The following LTN1 variants were observed in gnomAD, a reference collection of about 807,000 sequenced individuals.
LTN1 encodes the protein listerin E3 ubiquitin protein ligase 1.
Under a neutral mutation model 201.2 loss-of-function variants are expected in LTN1, and 88 were observed. That is an observed-to-expected ratio of 0.44 (90% CI 0.37 to 0.52). LTN1 has a LOEUF of 0.52. Ranked by LOEUF, LTN1 falls within the 20% of genes least tolerant of loss-of-function variation. The probability of loss-of-function intolerance (pLI) is 0.00; values close to 1 mark genes in which losing one functional copy is unlikely to be tolerated. For synonymous variants in LTN1, 645 were observed against 713.5 expected, an observed-to-expected ratio of 0.90 and a Z score of 1.53; for missense variants, 1,752 against 2,038.7, an observed-to-expected ratio of 0.86 and a Z score of 2.71.
chr21:28,969,442 T>G lies in LTN1; in HGVS notation c.1311+24A>C, dbSNP rs780588292. The stretch of plus-strand genomic sequence containing the variant: ...CTACATAATCAGTATGCAAAGAGAC[T>G]GACGACTTTTACATTATAGATACCT... On this transcript the variant is annotated intron_variant, in intron 9 of 29. Coordinates refer to ENST00000361371, the MANE Select transcript of LTN1 (RefSeq NM_015565.3). 8.1e-6 allele frequency: 13 copies of G among 1,596,054 alleles called. No individual in the cohort carries two copies. In the South Asian group the frequency reaches 1.5e-4, roughly 18 times the overall value.
chr21:28,971,144 G>C (rs1014256343), intron 7 of LTN1, 127 bp downstream of exon 7: 2 of 730,216 alleles, frequency 2.7e-6, no homozygotes, highest in Admixed American at 3.3e-5. Flanking sequence ...TGCCATTTTA[G>C]TCACTTTAAG....
In LTN1 at chr21:28,986,798, A is replaced by T. The variant is rs776267322; in HGVS notation, c.179T>A (p.Leu60His). 1.9e-6 allele frequency: 3 copies of T among 1,613,998 alleles called. No homozygotes were observed. The African/African-American group carries it at 4.0e-5, about 22-fold the overall frequency. Reference sequence around the variant, plus strand: ...CACCATTCGGAAATCAGAATCTACAAGACTGTCAATTTCTTCAGCTCCTTG... The same window carrying T: ...CACCATTCGGAAATCAGAATCTACATGACTGTCAATTTCTTCAGCTCCTTG... ...AIQGAEEIDS[L>H]VDSDFRMVLR... Residue 60 changes from leucine (L) to histidine (H), a missense_variant, in exon 2 of 30, where the codon CTT becomes CAT. Leu to His is a moderately conservative substitution (Grantham distance 99). Transcript: ENST00000361371. This position sits in a 1 kb window ranked among gnomAD's most constrained non-coding sequence, Gnocchi z 4.1.
rs12626292 is a variant in LTN1 at position 28,956,424 on chromosome 21, A to G, written c.3079+338T>C. ...GTATCAATTTTTTTTTAATCAACAGAAAATTCTGAATCCTTGATAAAACAC... is the reference window on the plus strand; with the variant it reads ...GTATCAATTTTTTTTTAATCAACAGGAAATTCTGAATCCTTGATAAAACAC... On this transcript the variant is annotated intron_variant, in intron 16 of 29. Transcript: ENST00000361371. Among the ~76,000 whole-genome samples, 116 of 152,266 alleles carry G rather than the reference A, an allele frequency of 7.6e-4. 2 individuals are homozygous for G. The East Asian group carries it at 0.022, about 29-fold the overall frequency.
chr21:28,966,726 G>C lies in LTN1; in HGVS notation c.1765C>G (p.Pro589Ala). Residue 589 changes from proline (P) to alanine (A), a missense_variant, in exon 10 of 30, where the codon CCT becomes GCT. By Grantham distance (27) the Pro-to-Ala change is conservative (BLOSUM62 -1). This residue lies in a region of LTN1 where 1,211 missense variants were observed against 1,312.8 expected (regional missense o/e 0.92). Transcript: ENST00000361371. ...SGLLSPLRKKPLEDLVCKLAD... is the reference protein window; with the variant it reads ...SGLLSPLRKKALEDLVCKLAD... ...AGTTTACAGACTAAGTCTTCCAAAGGTTTTTTCCTTAGAGGAGACAAAAGG... is the reference window on the plus strand; with the variant it reads ...AGTTTACAGACTAAGTCTTCCAAAGCTTTTTTCCTTAGAGGAGACAAAAGG... The C allele has an allele frequency of 3.1e-6, 5 of 1,613,996 alleles. No homozygotes were observed. Among genetic ancestry groups the C allele is most frequent in the Non-Finnish European group, 4.2e-6 (5 of 1,179,962 alleles).
In LTN1 at chr21:28,964,646, A is replaced by C. The variant is rs910196773; in HGVS notation, c.2163+1219T>G. ...GCTGCCTAGCTGTAAGGAGATGAGG[A>C]GGCTAGTGAGTCATGGAAGCGCAGG... On this transcript the variant is annotated intron_variant, in intron 11 of 29. Coordinates refer to ENST00000361371, the MANE Select transcript of LTN1 (RefSeq NM_015565.3). 5 of 1,550,254 alleles carry C rather than the reference A, an allele frequency of 3.2e-6. No individual in the cohort carries two copies. The African/African-American group carries it at 6.8e-5, about 21-fold the overall frequency.
intron 7 of LTN1, among the ~76,000 whole-genome samples, chr21:28,971,031 T>C (rs2084569989): frequency 6.6e-6 from 1 of 152,238 alleles, no homozygotes; most frequent in Admixed American, 6.5e-5. Flanking sequence ...ATCTTAATTA[T>C]ATTTCATCTT....
chr21:28,940,797 A>G (rs1453391153), intron 25 of LTN1, among the ~76,000 whole-genome samples: 1 of 152,164 alleles, frequency 6.6e-6, no homozygotes, highest in Non-Finnish European at 1.5e-5. Context: ...GTTGGATAAA[A>G]TGAGATTAGG....
intron 6 of LTN1, among the ~76,000 whole-genome samples, chr21:28,978,544 T>G (rs1466673489): frequency 6.6e-6 from 1 of 152,200 alleles, no homozygotes; most frequent in Non-Finnish European, 1.5e-5. Context: ...CCTACAACTA[T>G]AAAGCTAAAA....
In LTN1 at chr21:28,936,584, C is replaced by G. The variant is rs763297583; in HGVS notation, c.4596G>C (p.Glu1532Asp). The G allele has an allele frequency of 5.6e-6, 9 of 1,613,850 alleles. 1 individual carries two copies. The highest frequency in any genetic ancestry group is 1.7e-4 in the Middle Eastern group (1 of 6,060). Residue 1532 changes from glutamate (E) to aspartate (D), a missense_variant, in exon 26 of 30, where the codon GAG (glutamate) becomes GAC (aspartate). Physicochemically the swap from Glu to Asp is conservative, Grantham distance 45. Around this residue, in one of 3 missense-constraint regions of LTN1, gnomAD observed 261 missense variants for 350.1 expected, o/e 0.75. Transcript: ENST00000361371. Reference protein sequence around the residue: ...ENPTYAETAVEVPNKDPKTFF... With the variant: ...ENPTYAETAVDVPNKDPKTFF... Reference sequence around the variant, plus strand: ...ATGTTTTAGGGTCCTTATTTGGGACCTCAACTGCTGTCTCTGCATAGGTTG... The same window carrying G: ...ATGTTTTAGGGTCCTTATTTGGGACGTCAACTGCTGTCTCTGCATAGGTTG...
intron 26 of LTN1, among the ~76,000 whole-genome samples, chr21:28,935,577 A>C (rs913908216): frequency 6.6e-5 from 10 of 152,176 alleles, no homozygotes; most frequent in African/African-American, 2.4e-4. Context: ...GCAGTGGCTC[A>C]CGCCTGTAAT....
chr21:28,958,158 C>T (rs1033434609), intron 14 of LTN1, among the ~76,000 whole-genome samples: 3 of 152,112 alleles, frequency 2.0e-5, no homozygotes, highest in Non-Finnish European at 4.4e-5. Context: ...AGTCACTTTT[C>T]ATTTCTCTTT....
At chr21:28,939,641 A>G (rs2084282217) in intron 25 of LTN1, among the ~76,000 whole-genome samples, 1 of 152,190 alleles carries the variant, frequency 6.6e-6, no homozygotes, top group Non-Finnish European at 1.5e-5. Context: ...ATAATAATAA[A>G]TGCTGCCGTA....
At chr21:28,954,630 A>C (rs996489066) in intron 16 of LTN1, among the ~76,000 whole-genome samples, 1 of 152,224 alleles carries the variant, frequency 6.6e-6, no homozygotes, top group Non-Finnish European at 1.5e-5. Context: ...ATAAATCCAC[A>C]TATTTGCAGG....
chr21:28,931,470 G>A, intron 28 of LTN1, 148 bp from the exon 29 acceptor site: 3 of 546,640 alleles, frequency 5.5e-6, no homozygotes, highest in Non-Finnish European at 9.6e-6. Context: ...TATGAATGTT[G>A]GTTTTTAAAA....
chr21:28,952,732 T>A (rs905544147), intron 17 of LTN1, among the ~76,000 whole-genome samples: 3 of 152,182 alleles, frequency 2.0e-5, no homozygotes, highest in Non-Finnish European at 2.9e-5. Flanking sequence ...TATCGGCAAG[T>A]GATAAACTCC....
Position 28,967,328 on chromosome 21 carries a change from A to G in LTN1, c.1312-149T>C, listed in dbSNP as rs537253846. On this transcript the variant is annotated intron_variant, in intron 9 of 29. Transcript: ENST00000361371. The stretch of plus-strand genomic sequence containing the variant: ...TGATGGCTGGCAGCACCTGTATAGC[A>G]GGATGGGGGCTGATCACCAGAAAGA... 24 of 637,372 alleles carry G rather than the reference A, an allele frequency of 3.8e-5. No individual in the cohort carries two copies. In the East Asian group the frequency reaches 6.6e-4, roughly 17 times the overall value. 39.5% of individuals were successfully genotyped at this position (637,372 alleles called of 1,614,324 possible).
intron 1 of LTN1, among the ~76,000 whole-genome samples, chr21:28,992,153 G>T (rs1371272526): frequency 6.6e-6 from 1 of 152,178 alleles, no homozygotes; most frequent in Non-Finnish European, 1.5e-5. Context: ...CTGAGGTGTC[G>T]AGAGCAAAGT....
intron 28 of LTN1, among the ~76,000 whole-genome samples, chr21:28,931,799 C>T (rs747203284): frequency 1.3e-5 from 2 of 152,144 alleles, no homozygotes; most frequent in Admixed American, 6.5e-5. Context: ...GTCAGGAGTT[C>T]GTTGACCACC....
In LTN1 at chr21:28,960,705, G is replaced by C. The variant is rs747760506; in HGVS notation, c.2165C>G (p.Ala722Gly). Residue 722 changes from alanine (A) to glycine (G), a missense_variant and splice_region_variant, in exon 12 of 30, where the codon GCA becomes GGA. Transcript: ENST00000361371. ...AGCATGTTTATCTGAACTAGGACAT[G>C]CCTAAAACCATAAAATTAAAGCAAA... Reference protein sequence around the residue: ...WNSLLKIIEKACPSSDKHALV... With the variant: ...WNSLLKIIEKGCPSSDKHALV... The C allele has an allele frequency of 6.2e-7, 1 of 1,605,484 alleles. No homozygotes were observed. Among genetic ancestry groups the C allele is most frequent in the Middle Eastern group, 1.7e-4 (1 of 6,014 alleles).
Sources: gnomAD v4.1 joint callset for allele counts (sites outside exome capture counted in the v4.1 genomes callset) on GRCh38, gnomAD v4.1.1 for gene constraint, gnomAD v4.1.1 regional missense constraint, Gnocchi (gnomAD v3.1) non-coding constraint, MANE v1.5 for transcripts, NCBI Gene and HGNC (gene_info 2026-07-23, HGNC 2026-07-21) for gene names.